The following MARCHF5 variants were observed in gnomAD, a reference collection of about 807,000 sequenced individuals.
MARCHF5 encodes the protein E3 ubiquitin-protein ligase MARCHF5.
Under a neutral mutation model 36.5 loss-of-function variants are expected in MARCHF5, and 5 were observed. The ratio of observed to expected loss-of-function variants is 0.14; its 90% CI spans 0.07 to 0.29. The LOEUF (loss-of-function observed/expected upper bound fraction) is 0.29, where lower values mean the gene tolerates loss of function less well. Among genes scored for constraint, MARCHF5 ranks in the 10% least tolerant of loss-of-function variants. The pLI, the probability that MARCHF5 is intolerant of heterozygous loss-of-function variation, is 1.00. For missense variants in MARCHF5, 179 were observed against 336.3 expected, an observed-to-expected ratio of 0.53 and a Z score of 3.66; for synonymous variants, 103 against 109.9, an observed-to-expected ratio of 0.94 and a Z score of 0.39.
chr10:92,325,569 C>T (rs2135199914), intron 2 of MARCHF5, among the ~76,000 whole-genome samples: 1 of 152,320 alleles, frequency 6.6e-6, no homozygotes, highest in African/African-American at 2.4e-5. Context: ...GCAATTTTGT[C>T]ATAAAAATCC....
intron 3 of MARCHF5, among the ~76,000 whole-genome samples, chr10:92,349,022 C>T (rs993998222): frequency 1.3e-5 from 2 of 152,160 alleles, no homozygotes; most frequent in Non-Finnish European, 2.9e-5. Flanking sequence ...ATCCCAGTTC[C>T]GTAGCCCAGT....
intron 1 of MARCHF5, among the ~76,000 whole-genome samples, chr10:92,305,943 A>T (rs1029063234): frequency 4.6e-5 from 7 of 151,496 alleles, no homozygotes; most frequent in Non-Finnish European, 1.0e-4. Context: ...AATAATAAAA[A>T]CTCTTTAGAG....
chr10:92,317,742 A>T (rs1482508735), intron 2 of MARCHF5, among the ~76,000 whole-genome samples: 1 of 149,794 alleles, frequency 6.7e-6, no homozygotes, highest in Non-Finnish European at 1.5e-5. Flanking sequence ...TTTGTTTCCC[A>T]ATCTGAATGC....
At chr10:92,330,889 AC>A (rs1286938054) in intron 2 of MARCHF5, among the ~76,000 whole-genome samples, 2 of 152,162 alleles carry the variant, frequency 1.3e-5, no homozygotes, top group Non-Finnish European at 2.9e-5. Context: ...CCTAATCCTT[AC>A]CCACCTTGTT....
In MARCHF5 at chr10:92,352,743, T is replaced by G. The variant is rs1380580573; in HGVS notation, c.*1536T>G. On this transcript the variant is annotated 3_prime_UTR_variant, in exon 6 of 6. Coordinates refer to ENST00000358935, the MANE Select transcript of MARCHF5 (RefSeq NM_017824.5). Reference sequence around the variant, plus strand: ...GTCTTAATTTTGAGTTATATGATGTTTATTTGAATGACTGTTGAACATTCA... The same window carrying G: ...GTCTTAATTTTGAGTTATATGATGTGTATTTGAATGACTGTTGAACATTCA... 2 of 152,634 alleles carry G rather than the reference T, an allele frequency of 1.3e-5. No homozygotes were observed. The highest frequency in any genetic ancestry group is 2.9e-5 in the Non-Finnish European group (2 of 68,034). The allele number at this position is 152,634 out of a possible 1,614,324, so 9.5% of individuals were successfully genotyped here.
At chr10:92,343,311 A>C (rs1348390743) in intron 3 of MARCHF5, among the ~76,000 whole-genome samples, 3 of 151,822 alleles carry the variant, frequency 2.0e-5, no homozygotes, top group Non-Finnish European at 4.4e-5. Context: ...CTTACAGGCA[A>C]CTCCTGCCTG....
rs1396206417 is a variant in MARCHF5 at position 92,291,337 on chromosome 10, C to T, written c.-158C>T. On this transcript the variant is annotated 5_prime_UTR_variant, in exon 1 of 6. Transcript: ENST00000358935. ...CGGACTCCCGCAGGCCCTGCACCGC[C>T]GCCGCCAGGCTAGCGGAGCTGCCCC... 1 of 686,726 alleles carries T rather than the reference C, an allele frequency of 1.5e-6. No homozygotes were observed. Among genetic ancestry groups the T allele is most frequent in the Admixed American group, 2.3e-5 (1 of 43,464 alleles). 42.5% of individuals were successfully genotyped at this position (686,726 alleles called of 1,614,324 possible). A position where few individuals can be genotyped will look rare whatever the true frequency, so the allele number is the denominator to read the frequency against.
At chr10:92,297,605 C>G (rs779823503) in intron 1 of MARCHF5, among the ~76,000 whole-genome samples, 1 of 151,292 alleles carries the variant, frequency 6.6e-6, no homozygotes, top group Non-Finnish European at 1.5e-5. Flanking sequence ...GATTCTCCCA[C>G]CTCAACCTCC....
intron 3 of MARCHF5, among the ~76,000 whole-genome samples, chr10:92,344,136 G>A (rs1263793671): frequency 6.6e-6 from 1 of 152,084 alleles, no homozygotes; most frequent in African/African-American, 2.4e-5. Flanking sequence ...AAAGAATTTT[G>A]ATAATTAATG....
intron 2 of MARCHF5, among the ~76,000 whole-genome samples, chr10:92,316,201 G>C (rs1395382609): frequency 6.6e-6 from 1 of 152,132 alleles, no homozygotes; most frequent in African/African-American, 2.4e-5. Flanking sequence ...CCCCAGTCTG[G>C]ATGATGCTAG....
chr10:92,328,959 A>G (rs1403302508), intron 2 of MARCHF5, among the ~76,000 whole-genome samples: 1 of 151,940 alleles, frequency 6.6e-6, no homozygotes, highest in African/African-American at 2.4e-5. Flanking sequence ...AGCCTGATCC[A>G]TTCAGTAAAG....
At chr10:92,311,110 C>T (rs1043481579) in intron 1 of MARCHF5, 25 bp from the exon 2 acceptor site, 3 of 1,589,072 alleles carry the variant, frequency 1.9e-6, no homozygotes, top group Admixed American at 3.3e-5. Context: ...ATATAAATGT[C>T]ATCCTTTTCT....
intron 2 of MARCHF5, among the ~76,000 whole-genome samples, chr10:92,336,041 T>C (rs1843498461): frequency 6.6e-6 from 1 of 152,186 alleles, no homozygotes; most frequent in Non-Finnish European, 1.5e-5. Context: ...TTTTGTTTTT[T>C]TGGTTTTTTC....
intron 2 of MARCHF5, among the ~76,000 whole-genome samples, chr10:92,337,381 G>A (rs1401631372): frequency 6.6e-6 from 1 of 152,028 alleles, no homozygotes; most frequent in Admixed American, 6.6e-5. Flanking sequence ...GGGCGTGGTG[G>A]CACATAACTG....
chr10:92,299,941 C>T (rs971248630), intron 1 of MARCHF5, among the ~76,000 whole-genome samples: 1 of 151,602 alleles, frequency 6.6e-6, no homozygotes, highest in Non-Finnish European at 1.5e-5. Flanking sequence ...GCAGGAGGAT[C>T]GCCTGATCTC....
At chr10:92,321,505 A>G (rs1843288323) in intron 2 of MARCHF5, among the ~76,000 whole-genome samples, 1 of 152,100 alleles carries the variant, frequency 6.6e-6, no homozygotes, top group African/African-American at 2.4e-5. Flanking sequence ...GTCTGTACTC[A>G]TAATGGGTAT....
At chr10:92,321,768 T>C (rs1010934285) in intron 2 of MARCHF5, among the ~76,000 whole-genome samples, 15 of 152,142 alleles carry the variant, frequency 9.9e-5, no homozygotes, top group African/African-American at 3.4e-4. Context: ...TTAGTTTTGA[T>C]AGTTTGTATC....
chr10:92,313,849 C>T (rs1302929828), intron 2 of MARCHF5, among the ~76,000 whole-genome samples: 11 of 152,084 alleles, frequency 7.2e-5, no homozygotes, highest in African/African-American at 1.2e-4. Context: ...GCTGTGATTG[C>T]GCCACTGTAC....
chr10:92,338,474 A>G (rs1590665148), intron 2 of MARCHF5, among the ~76,000 whole-genome samples: 1 of 152,234 alleles, frequency 6.6e-6, no homozygotes, highest in African/African-American at 2.4e-5. Context: ...ATTAGAGGAT[A>G]TAGAGTTGGT....
Sources: allele counts gnomAD v4.1 joint callset (sites outside exome capture counted in the v4.1 genomes callset), GRCh38; gene constraint gnomAD v4.1.1; transcripts MANE v1.5; gene names NCBI Gene and HGNC (gene_info 2026-07-23, HGNC 2026-07-21).